Variants in RABGAP1L observed in about 807,000 individuals in gnomAD.
RABGAP1L encodes the protein rab GTPase-activating protein 1-like.
In RABGAP1L, 63 loss-of-function variants were observed where a neutral mutation model predicts 137.7. The ratio of observed to expected loss-of-function variants is 0.46; its 90% CI spans 0.37 to 0.56. The LOEUF is 0.56. Ranked by LOEUF, RABGAP1L falls within the 20% of genes least tolerant of loss-of-function variation. The pLI is 0.00. For synonymous variants in RABGAP1L, 431 were observed against 433.7 expected (o/e 0.99, Z 0.08); for missense variants, 1,095 against 1,244.0 (o/e 0.88, Z 1.80).
chr1:174,629,542 A>T (rs897341588), intron 13 of RABGAP1L, among the ~76,000 whole-genome samples: 13 of 150,882 alleles, frequency 8.6e-5, no homozygotes, highest in Non-Finnish European at 1.6e-4. Flanking sequence ...ATTTTAATTA[A>T]TTTTTTTTTT....
At chr1:174,192,254 G>A (rs574915630) in intron 1 of RABGAP1L, among the ~76,000 whole-genome samples, 8 of 150,090 alleles carry the variant, frequency 5.3e-5, no homozygotes, top group South Asian at 2.1e-4. Context: ...CTCTAACTGC[G>A]TAACACATGG....
chr1:174,406,226 AAC>A (rs963291841), intron 13 of RABGAP1L, among the ~76,000 whole-genome samples: 57 of 152,276 alleles, frequency 3.7e-4, no homozygotes, highest in African/African-American at 1.3e-3. Context: ...TTTGAGAAGT[AAC>A]AGTTTTCTTC....
chr1:174,333,526 A>C (rs1039900400), intron 11 of RABGAP1L, among the ~76,000 whole-genome samples: 2 of 152,218 alleles, frequency 1.3e-5, no homozygotes, highest in African/African-American at 2.4e-5. Context: ...AAGTCCACTT[A>C]TTCCAAAGTG....
intron 13 of RABGAP1L, among the ~76,000 whole-genome samples, chr1:174,616,834 T>G (rs1671925577): frequency 6.6e-6 from 1 of 152,224 alleles, no homozygotes; most frequent in South Asian, 2.1e-4. Flanking sequence ...GGTGGCTACA[T>G]AGACACTTGT....
chr1:174,916,149 T>C (rs1254622257), intron 19 of RABGAP1L, among the ~76,000 whole-genome samples: 1 of 150,664 alleles, frequency 6.6e-6, no homozygotes, highest in African/African-American at 2.4e-5. Flanking sequence ...GGCTATCCAA[T>C]TATCCCAGCA....
chr1:174,288,931 G>A (rs1264419357), intron 10 of RABGAP1L, among the ~76,000 whole-genome samples: 1 of 152,088 alleles, frequency 6.6e-6, no homozygotes, highest in African/African-American at 2.4e-5. Flanking sequence ...ATAATTTTAA[G>A]TGACTCATCT....
At chr1:174,535,096 G>A (rs55896504) in intron 13 of RABGAP1L, among the ~76,000 whole-genome samples, 5,290 of 152,264 alleles carry the variant, frequency 0.035, 122 homozygotes, top group Middle Eastern at 0.088. Flanking sequence ...GACACCATAA[G>A]GTTAAGTATT....
At chr1:174,841,485 GAAGA>G (rs1341755765) in intron 19 of RABGAP1L, among the ~76,000 whole-genome samples, 1 of 151,960 alleles carries the variant, frequency 6.6e-6, no homozygotes, top group African/African-American at 2.4e-5. Context: ...TTATCTTAAT[GAAGA>G]AAGAAAATAA....
At chr1:174,895,959 G>A (rs969377485) in intron 19 of RABGAP1L, among the ~76,000 whole-genome samples, 7 of 152,214 alleles carry the variant, frequency 4.6e-5, no homozygotes, top group Admixed American at 2.0e-4. Flanking sequence ...TATATACCCA[G>A]TAATGGGATG....
rs1256314379 is a variant in RABGAP1L, at chr1:174,539,647, A to G, written c.1711-97728A>G. Among the ~76,000 whole-genome samples the G allele has an allele frequency of 2.0e-5, 3 of 152,216 alleles. No individual in the cohort carries two copies. The East Asian group carries it at 5.8e-4, about 29-fold the overall frequency. On this transcript the variant is annotated intron_variant, in intron 13 of 25. Transcript: ENST00000681986. Reference sequence around the variant, plus strand: ...TCATCCCTTTTTATGGCTGCATACTATTCCATGGTGTATATGTGCCACATT... The same window carrying G: ...TCATCCCTTTTTATGGCTGCATACTGTTCCATGGTGTATATGTGCCACATT...
At chr1:174,924,969 G>C (rs931421138) in intron 19 of RABGAP1L, among the ~76,000 whole-genome samples, 1 of 152,110 alleles carries the variant, frequency 6.6e-6, no homozygotes, top group Non-Finnish European at 1.5e-5. Context: ...GGGTAGTAAG[G>C]GTAGATTTCA....
At chr1:174,884,539 CTA>C (rs1174333505) in intron 19 of RABGAP1L, among the ~76,000 whole-genome samples, 1 of 152,122 alleles carries the variant, frequency 6.6e-6, no homozygotes, top group Non-Finnish European at 1.5e-5. Flanking sequence ...CATTTTGGCA[CTA>C]TATCAATTTC....
At chr1:174,548,839 A>G (rs1343151590) in intron 13 of RABGAP1L, among the ~76,000 whole-genome samples, 1 of 152,220 alleles carries the variant, frequency 6.6e-6, no homozygotes, top group Non-Finnish European at 1.5e-5. Context: ...TAGGTAGCAT[A>G]TTTACAAGCT....
intron 11 of RABGAP1L, among the ~76,000 whole-genome samples, chr1:174,307,225 T>C (rs1678364447): frequency 2.0e-5 from 3 of 152,218 alleles, no homozygotes; most frequent in African/African-American, 7.2e-5. Context: ...TTTGTACTTG[T>C]AACTATGACA....
At chr1:174,495,284 G>A (rs1218512030) in intron 13 of RABGAP1L, among the ~76,000 whole-genome samples, 2 of 152,062 alleles carry the variant, frequency 1.3e-5, no homozygotes, top group African/African-American at 2.4e-5. Flanking sequence ...TAGTTTCTAT[G>A]GGGATGTGAG....
chr1:174,378,539 A>G (rs1474665317), intron 12 of RABGAP1L, among the ~76,000 whole-genome samples: 2 of 152,040 alleles, frequency 1.3e-5, no homozygotes, highest in Admixed American at 6.5e-5. Flanking sequence ...ATGGCCAGTG[A>G]TGATGAGCAT....
chr1:174,241,730 G>T (rs1455734122), intron 5 of RABGAP1L, 73 bp downstream of exon 5: 3 of 1,202,522 alleles, frequency 2.5e-6, no homozygotes, highest in African/African-American at 3.1e-5. Context: ...TAATTTCACT[G>T]TTGTATAAAT....
In RABGAP1L at chr1:174,453,600, C is replaced by T. The variant is rs549548579; in HGVS notation, c.1710+59455C>T. On this transcript the variant is annotated intron_variant, in intron 13 of 25. Transcript: ENST00000681986. ...GCATGTATGTGTTACTCAGTCAGTG[C>T]TGTACTCTGACGTGTAGGTTCCAAA... Among the ~76,000 whole-genome samples, 3 of 152,228 alleles carry T rather than the reference C, an allele frequency of 2.0e-5. No homozygotes were observed. The East Asian group carries it at 5.8e-4, about 29-fold the overall frequency.
chr1:174,590,514 C>G (rs1669541514), intron 13 of RABGAP1L, among the ~76,000 whole-genome samples: 1 of 97,336 alleles, frequency 1.0e-5, no homozygotes, highest in Non-Finnish European at 2.0e-5. Context: ...CCCGACCCCA[C>G]CACAGTCCCC....
Sources: allele counts gnomAD v4.1 joint callset (sites outside exome capture counted in the v4.1 genomes callset), GRCh38; gene constraint gnomAD v4.1.1; transcripts MANE v1.5; gene names NCBI Gene and HGNC (gene_info 2026-07-23, HGNC 2026-07-21).